The following SLC16A10 variants were observed in gnomAD, a reference collection of about 807,000 sequenced individuals.
SLC16A10 encodes the protein monocarboxylate transporter 10.
In SLC16A10, 27 loss-of-function variants were observed where a neutral mutation model predicts 40.0. That is an observed-to-expected ratio of 0.67 (90% confidence interval 0.50 to 0.93). The LOEUF (loss-of-function observed/expected upper bound fraction) is 0.93, where lower values mean the gene tolerates loss of function less well. Ranked by LOEUF, SLC16A10 falls within the 40% of genes least tolerant of loss-of-function variation. The pLI is 0.00. For missense variants in SLC16A10, 529 were observed against 658.2 expected, an observed-to-expected ratio of 0.80 and a Z score of 2.15; for synonymous variants, 213 against 249.8, an observed-to-expected ratio of 0.85 and a Z score of 1.39.
Position 111,222,331 on chromosome 6 carries a change from TCA to T in SLC16A10, c.*99_*100del. The stretch of plus-strand genomic sequence containing the variant: ...AATTGCAAATTTCATATTTTTTTAA[TCA>T]CATCCTAGGAATAGCACAATAATTG... On this transcript the variant is annotated 3_prime_UTR_variant, in exon 6 of 6. Coordinates refer to ENST00000368851, the MANE Select transcript of SLC16A10 (RefSeq NM_018593.5). 6.9e-7 allele frequency: 1 copy of T among 1,446,806 alleles called. No homozygotes were observed. The highest frequency in any genetic ancestry group is 9.1e-7 in the Non-Finnish European group (1 of 1,099,374). The allele number at this position is 1,446,806 out of a possible 1,614,324, so 89.6% of individuals were successfully genotyped here.
intron 1 of SLC16A10, among the ~76,000 whole-genome samples, chr6:111,104,850 G>A (rs549041588): frequency 5.6e-4 from 84 of 151,278 alleles, no homozygotes; most frequent in Non-Finnish European, 1.0e-3. Context: ...AAGTATGGCC[G>A]CACTGAGATG....
rs1770895455 is a variant in SLC16A10 at position 111,087,829 on chromosome 6, G to A, written c.77G>A (p.Gly26Glu). The change falls in exon 1 of 6, where the codon GGG (glycine) becomes GAG (glutamate). Residue 26 changes from glycine to glutamate, a missense_variant. Coordinates refer to ENST00000368851, the MANE Select transcript of SLC16A10 (RefSeq NM_018593.5). Reference protein sequence around the residue: ...EAQPLGPAPTGAAPPPGPGPS... With the variant: ...EAQPLGPAPTEAAPPPGPGPS... Reference sequence around the variant, plus strand: ...CAGCCGCTCGGCCCCGCGCCCACGGGGGCCGCTCCGCCGCCCGGCCCGGGA... The same window carrying A: ...CAGCCGCTCGGCCCCGCGCCCACGGAGGCCGCTCCGCCGCCCGGCCCGGGA... 7.4e-7 allele frequency: 1 copy of A among 1,353,646 alleles called. No homozygotes were observed. The allele number at this position is 1,353,646 out of a possible 1,614,324, so 83.9% of individuals were successfully genotyped here.
intron 1 of SLC16A10, among the ~76,000 whole-genome samples, chr6:111,115,447 G>C (rs543858714): frequency 6.6e-6 from 1 of 152,340 alleles, no homozygotes; most frequent in East Asian, 1.9e-4. Flanking sequence ...GACCTCAGGT[G>C]ATCCACCTGC....
chr6:111,215,833 C>T (rs1392518272), intron 4 of SLC16A10, among the ~76,000 whole-genome samples: 1 of 151,990 alleles, frequency 6.6e-6, no homozygotes, highest in Non-Finnish European at 1.5e-5. Flanking sequence ...AGTAAGACCC[C>T]ATCTCTACAA....
At chr6:111,126,094 T>C (rs1771669863) in intron 1 of SLC16A10, among the ~76,000 whole-genome samples, 1 of 152,206 alleles carries the variant, frequency 6.6e-6, no homozygotes, top group African/African-American at 2.4e-5. Flanking sequence ...AAATGTCAGA[T>C]TTATAATCGA....
At chr6:111,117,989 A>G (rs2114470456) in intron 1 of SLC16A10, among the ~76,000 whole-genome samples, 1 of 152,346 alleles carries the variant, frequency 6.6e-6, no homozygotes, top group Middle Eastern at 3.4e-3. Flanking sequence ...AGGATAGGAC[A>G]TTGGACTTGG....
At chr6:111,121,315 A>G (rs1231147114) in intron 1 of SLC16A10, among the ~76,000 whole-genome samples, 1 of 152,348 alleles carries the variant, frequency 6.6e-6, no homozygotes, top group South Asian at 2.1e-4. Context: ...TAATCCCGGC[A>G]CTTTGGGGGG....
chr6:111,107,581 G>A (rs1412639739), intron 1 of SLC16A10, among the ~76,000 whole-genome samples: 2 of 152,184 alleles, frequency 1.3e-5, no homozygotes, highest in Non-Finnish European at 1.5e-5. Flanking sequence ...TAATTGAAGA[G>A]GGAACTTTAC....
intron 1 of SLC16A10, among the ~76,000 whole-genome samples, chr6:111,172,428 A>G (rs943492719): frequency 1.4e-4 from 22 of 152,078 alleles, no homozygotes; most frequent in African/African-American, 5.1e-4. Context: ...TTTTATTGTG[A>G]AATATAACAT....
chr6:111,196,542 C>T (rs1773082550), intron 3 of SLC16A10, among the ~76,000 whole-genome samples: 1 of 152,100 alleles, frequency 6.6e-6, no homozygotes, highest in Non-Finnish European at 1.5e-5. Context: ...GGCTCACTGG[C>T]TTATGCCTGT....
rs1773179315 is a variant in SLC16A10, at chr6:111,202,217, T to C, written c.943-4375T>C. 2.6e-5 allele frequency among the ~76,000 whole-genome samples: 4 copies of C among 152,220 alleles called. No homozygotes were observed. The South Asian group carries it at 8.3e-4, about 32-fold the overall frequency. ...ACGGCCGGGTGTGGTGGCTCATGCC[T>C]GTAATTCCAGCACTTTGGGAGGTCA... is the stretch of plus-strand genomic sequence containing the variant. On this transcript the variant is annotated intron_variant, in intron 3 of 5. Coordinates refer to ENST00000368851, the MANE Select transcript of SLC16A10 (RefSeq NM_018593.5).
At chr6:111,189,410 A>G (rs1234389701) in intron 3 of SLC16A10, among the ~76,000 whole-genome samples, 1 of 152,170 alleles carries the variant, frequency 6.6e-6, no homozygotes, top group Non-Finnish European at 1.5e-5. Flanking sequence ...CAAGAGTTGG[A>G]TTTTTTTATC....
At chr6:111,142,668 G>C (rs969389869) in intron 1 of SLC16A10, among the ~76,000 whole-genome samples, 2 of 152,222 alleles carry the variant, frequency 1.3e-5, no homozygotes, top group Admixed American at 6.5e-5. Flanking sequence ...AAAATGATGA[G>C]ATTCTACTAC....
intron 1 of SLC16A10, among the ~76,000 whole-genome samples, chr6:111,166,077 G>A (rs1772468270): frequency 6.6e-6 from 1 of 152,146 alleles, no homozygotes; most frequent in Non-Finnish European, 1.5e-5. Flanking sequence ...TACTCCTTAT[G>A]ACAGAACTGT....
intron 1 of SLC16A10, among the ~76,000 whole-genome samples, chr6:111,154,644 T>G (rs562608255): frequency 2.6e-5 from 4 of 152,274 alleles, no homozygotes; most frequent in Admixed American, 2.6e-4. Context: ...TAATGGATTT[T>G]ATCAGGCAGT....
chr6:111,118,635 C>T (rs1466986868), intron 1 of SLC16A10, among the ~76,000 whole-genome samples: 3 of 146,806 alleles, frequency 2.0e-5, no homozygotes, highest in East Asian at 4.0e-4. Context: ...GAGCCAAGAT[C>T]GCACCACTGC....
intron 1 of SLC16A10, among the ~76,000 whole-genome samples, chr6:111,161,594 T>C (rs1030905088): frequency 6.6e-6 from 1 of 152,066 alleles, no homozygotes. Context: ...CAGAGGCCTA[T>C]CTAAGGGTCC....
At chr6:111,203,262 G>A (rs577143183) in intron 3 of SLC16A10, among the ~76,000 whole-genome samples, 1 of 152,206 alleles carries the variant, frequency 6.6e-6, no homozygotes, top group East Asian at 1.9e-4. Flanking sequence ...CAGACCTCCT[G>A]GGTACTACTG....
chr6:111,096,920 A>G (rs1771084590), intron 1 of SLC16A10, among the ~76,000 whole-genome samples: 1 of 152,068 alleles, frequency 6.6e-6, no homozygotes, highest in South Asian at 2.1e-4. Flanking sequence ...CTTGGGCTCA[A>G]GGGATCCTCC....
Sources: gnomAD v4.1 joint callset for allele counts (sites outside exome capture counted in the v4.1 genomes callset) on GRCh38, gnomAD v4.1.1 for gene constraint, MANE v1.5 for transcripts, NCBI Gene and HGNC (gene_info 2026-07-23, HGNC 2026-07-21) for gene names.